The following ACOX2 variants were observed in gnomAD, a reference collection of about 807,000 sequenced individuals.
The protein encoded by ACOX2 is peroxisomal acyl-coenzyme A oxidase 2.
A neutral mutation model predicts 77.5 loss-of-function variants in ACOX2; 59 were observed. The ratio of observed to expected loss-of-function variants is 0.76; its 90% CI spans 0.62 to 0.95. The LOEUF (loss-of-function observed/expected upper bound fraction) is 0.95, where lower values mean the gene tolerates loss of function less well. Ranked by LOEUF, ACOX2 falls within the 40% of genes least tolerant of loss-of-function variation. ACOX2 has a pLI of 0.00. For synonymous variants in ACOX2, 317 were observed against 340.1 expected, an observed-to-expected ratio of 0.93 and a Z score of 0.75; for missense variants, 837 against 880.4, an observed-to-expected ratio of 0.95 and a Z score of 0.62.
chr3:58,530,487 C>T lies in ACOX2; in HGVS notation c.971G>A (p.Arg324His), dbSNP rs770638381. 20 of 1,613,898 alleles carry T rather than the reference C, an allele frequency of 1.2e-5. No individual in the cohort carries two copies. The highest frequency in any genetic ancestry group is 2.7e-5 in the African/African-American group (2 of 74,942). Reference sequence around the variant, plus strand: ...TTGCCTGGGCCGGAGCCGGGATTGGCGGCGGATGACCGAGTAGCGCATGGC... The same window carrying T: ...TTGCCTGGGCCGGAGCCGGGATTGGTGGCGGATGACCGAGTAGCGCATGGC... Reference protein sequence around the residue: ...VIAMRYSVIRRQSRLRPSDPE... With the variant: ...VIAMRYSVIRHQSRLRPSDPE... The change falls in exon 8 of 15, where the codon CGC becomes CAC. Residue 324 changes from arginine (R) to histidine (H), a missense_variant. Arg to His is a conservative substitution (Grantham distance 29). Transcript: ENST00000302819.
At position 58,530,638 on chromosome 3, in the gene ACOX2, C is replaced by T. The variant is rs769214024; in HGVS notation, c.820G>A (p.Val274Ile). 4 of 1,613,642 alleles carry T rather than the reference C, an allele frequency of 2.5e-6. No individual in the cohort carries two copies. The highest frequency in any genetic ancestry group is 3.3e-5 in the Admixed American group (2 of 59,982). ...RENMLSRFAQ[V>I]LPDGTYVKLG... ...TTGACGTAGGTGCCATCTGGCAAGA[C>T]CTGTGTGGAACAAGGACGGGCACAA... The change falls in exon 8 of 15, where the codon GTC becomes ATC. Residue 274 changes from valine (V) to isoleucine (I), a missense_variant and splice_region_variant. Coordinates refer to ENST00000302819, the MANE Select transcript of ACOX2 (RefSeq NM_003500.4).
Position 58,535,552 on chromosome 3 carries a change from AG to A in ACOX2, c.-91-356del, listed in dbSNP as rs975741062. On this transcript the variant is annotated intron_variant, in intron 1 of 14. Coordinates refer to ENST00000302819, the MANE Select transcript of ACOX2 (RefSeq NM_003500.4). The surrounding 1 kb of genome is among the most constrained non-coding windows in gnomAD (Gnocchi z 4.8). The stretch of plus-strand genomic sequence containing the variant: ...GAGTGGCCCCTAGCCACACAGCTGG[AG>A]ATGGCCAGGAGTTGGATGGGGTCTG... Among the ~76,000 whole-genome samples the A allele has an allele frequency of 2.6e-5, 4 of 152,178 alleles. No individual in the cohort carries two copies. The highest frequency in any genetic ancestry group is 2.6e-4 in the Admixed American group (4 of 15,272).
In ACOX2 at chr3:58,530,390, G is replaced by T. The variant is rs2063428455; in HGVS notation, c.992+76C>A. On this transcript the variant is annotated intron_variant, in intron 8 of 14. Transcript: ENST00000302819. Reference sequence around the variant, plus strand: ...TCCCAGCACTCTGGCTCTGGCAGAAGGGTGGTGTCAGGGGGAGGCACTGTG... The same window carrying T: ...TCCCAGCACTCTGGCTCTGGCAGAATGGTGGTGTCAGGGGGAGGCACTGTG... 3.2e-6 allele frequency: 5 copies of T among 1,553,414 alleles called. No individual in the cohort carries two copies. The African/African-American group carries it at 5.4e-5, about 17-fold the overall frequency.
At chr3:58,527,961 C>G (rs1186620489) in intron 9 of ACOX2, among the ~76,000 whole-genome samples, 1 of 151,942 alleles carries the variant, frequency 6.6e-6, no homozygotes, top group African/African-American at 2.4e-5. Context: ...CCTGCCCTGG[C>G]CTCCCAAAGT....
chr3:58,511,969 CCTCTT>C (rs1253758762), intron 13 of ACOX2, among the ~76,000 whole-genome samples: 2 of 151,984 alleles, frequency 1.3e-5, no homozygotes, highest in Admixed American at 1.3e-4. Flanking sequence ...AGTACTTGGA[CCTCTT>C]CTCTTCATGC....
chr3:58,508,249 C>T (rs953304489), intron 14 of ACOX2, among the ~76,000 whole-genome samples: 7 of 152,132 alleles, frequency 4.6e-5, no homozygotes, highest in African/African-American at 9.7e-5. Context: ...CCCGTCTTCT[C>T]GCTGTTAATG....
intron 12 of ACOX2, 71 bp from the exon 13 acceptor site, chr3:58,517,494 C>A: frequency 6.8e-7 from 1 of 1,464,862 alleles, no homozygotes; most frequent in East Asian, 2.3e-5. Context: ...GGAAGCATGG[C>A]AAGATGGCTG....
chr3:58,534,888 T>C lies in ACOX2; in HGVS notation c.160+59A>G. The C allele has an allele frequency of 1.9e-6, 3 of 1,607,516 alleles. No individual in the cohort carries two copies. In the South Asian group the frequency reaches 3.3e-5, roughly 18 times the overall value. On this transcript the variant is annotated intron_variant, in intron 2 of 14. Transcript: ENST00000302819. The surrounding 1 kb of genome is among the most constrained non-coding windows in gnomAD (Gnocchi z 4.8). ...AAGCAGAACTGCTAATGAAGGACTC[T>C]TCTTACAAGAGAAGCATGGGGCATA...
At chr3:58,527,940 CA>C (rs557661029) in intron 9 of ACOX2, among the ~76,000 whole-genome samples, 69 of 151,322 alleles carry the variant, frequency 4.6e-4, no homozygotes, top group Non-Finnish European at 8.5e-4. Flanking sequence ...CTCCTGGGCT[CA>C]AGCAATCCTC....
Position 58,528,979 on chromosome 3 carries a change from AT to A in ACOX2, c.993-24del. The A allele has an allele frequency of 6.3e-7, 1 of 1,594,918 alleles. No homozygotes were observed. The highest frequency in any genetic ancestry group is 8.5e-7 in the Non-Finnish European group (1 of 1,169,980). ...TCACTGAAGGGAAAAGAACCAGAAGATTTAGATCACTACCTGTTGTGTCCAC... is the reference window on the plus strand; with the variant it reads ...TCACTGAAGGGAAAAGAACCAGAAGATTAGATCACTACCTGTTGTGTCCAC... On this transcript the variant is annotated intron_variant, in intron 8 of 14. Transcript: ENST00000302819. The surrounding 1 kb of genome is among the most constrained non-coding windows in gnomAD (Gnocchi z 5.6).
At chr3:58,517,522 G>T in intron 12 of ACOX2, 99 bp from the exon 13 acceptor site, 1 of 1,156,328 alleles carries the variant, frequency 8.6e-7, no homozygotes, top group Non-Finnish European at 1.2e-6. Flanking sequence ...CTTGAGGCAT[G>T]ATGTGCTTCC....
Position 58,534,789 on chromosome 3 carries a change from G to T in ACOX2, c.160+158C>A. On this transcript the variant is annotated intron_variant, in intron 2 of 14. Coordinates refer to ENST00000302819, the MANE Select transcript of ACOX2 (RefSeq NM_003500.4). This position sits in a 1 kb window ranked among gnomAD's most constrained non-coding sequence, Gnocchi z 4.8. Reference sequence around the variant, plus strand: ...AGGTGGGCTCAGGCAATATTGACATGTGAAGATTGTCTTTACAGTTCGAAG... The same window carrying T: ...AGGTGGGCTCAGGCAATATTGACATTTGAAGATTGTCTTTACAGTTCGAAG... The T allele has an allele frequency of 1.4e-6, 2 of 1,385,210 alleles. No individual in the cohort carries two copies. The highest frequency in any genetic ancestry group is 2.0e-6 in the Non-Finnish European group (2 of 993,606). The allele number at this position is 1,385,210 out of a possible 1,614,324, so 85.8% of individuals were successfully genotyped here. A position where few individuals can be genotyped will look rare whatever the true frequency, so the allele number is the denominator to read the frequency against.
chr3:58,534,477 T>C lies in ACOX2; in HGVS notation c.206A>G (p.Tyr69Cys). The change falls in exon 3 of 15, where the codon TAT (tyrosine) becomes TGT (cysteine). Residue 69 changes from tyrosine to cysteine, a missense_variant. Tyr to Cys is a radical substitution (Grantham distance 194, BLOSUM62 -2). Coordinates refer to ENST00000302819, the MANE Select transcript of ACOX2 (RefSeq NM_003500.4). The surrounding 1 kb of genome is among the most constrained non-coding windows in gnomAD (Gnocchi z 4.8). The stretch of plus-strand genomic sequence containing the variant: ...ATAACGCTCATTCTGGGTCATGAAA[T>C]AATTGTCCTTACAGCTAAACTCCGG... Reference protein sequence around the residue: ...SYPEFSCKDNYFMTQNERYKA... With the variant: ...SYPEFSCKDNCFMTQNERYKA... 6.2e-7 allele frequency: 1 copy of C among 1,614,140 alleles called. No homozygotes were observed. Among genetic ancestry groups the C allele is most frequent in the Non-Finnish European group, 8.5e-7 (1 of 1,180,024 alleles).
At position 58,534,595 on chromosome 3, in the gene ACOX2, C is replaced by T. The variant is rs759266766; in HGVS notation, c.161-73G>A. The T allele has an allele frequency of 5.6e-6, 9 of 1,611,748 alleles. No individual in the cohort carries two copies. Among genetic ancestry groups the T allele is most frequent in the Admixed American group, 3.3e-5 (2 of 59,768 alleles). On this transcript the variant is annotated intron_variant, in intron 2 of 14. Transcript: ENST00000302819. The surrounding 1 kb of genome is among the most constrained non-coding windows in gnomAD (Gnocchi z 4.8). ...TGGCACCTTGAAATCTTCTCACCCA[C>T]TTGCTTCATGGATCTGGAAAGGAAG...
chr3:58,534,307 C>T lies in ACOX2; in HGVS notation c.323+53G>A, dbSNP rs1392951002. On this transcript the variant is annotated intron_variant, in intron 3 of 14. Coordinates refer to ENST00000302819, the MANE Select transcript of ACOX2 (RefSeq NM_003500.4). The surrounding 1 kb of genome is among the most constrained non-coding windows in gnomAD (Gnocchi z 4.8). ...ATGGCTCATGGGGCTAGGGGGTTTC[C>T]AGGTGATCCCAGGTAGATCCCTCTC... 1.2e-6 allele frequency: 2 copies of T among 1,604,168 alleles called. No individual in the cohort carries two copies. The highest frequency in any genetic ancestry group is 1.7e-6 in the Non-Finnish European group (2 of 1,175,144).
At chr3:58,516,983 G>A (rs529314178) in intron 13 of ACOX2, among the ~76,000 whole-genome samples, 2 of 152,276 alleles carry the variant, frequency 1.3e-5, no homozygotes, top group African/African-American at 4.8e-5. Context: ...GAGTTCAACT[G>A]AGGTAGCTCA....
At chr3:58,517,760 G>A (rs1016172632) in intron 12 of ACOX2, among the ~76,000 whole-genome samples, 4 of 152,074 alleles carry the variant, frequency 2.6e-5, no homozygotes, top group African/African-American at 7.2e-5. Context: ...GTGGAGGACA[G>A]CACCACTGTT....
rs963779638 is a variant in ACOX2, at chr3:58,519,010, G to T, written c.1633-1587C>A. ...GTCAAAATGCAGATTCCAGGGCAGGGCCTGAGACTGTGCATTTCTAACAAG... is the reference window on the plus strand; with the variant it reads ...GTCAAAATGCAGATTCCAGGGCAGGTCCTGAGACTGTGCATTTCTAACAAG... On this transcript the variant is annotated intron_variant, in intron 12 of 14. Coordinates refer to ENST00000302819, the MANE Select transcript of ACOX2 (RefSeq NM_003500.4). This position sits in a 1 kb window ranked among gnomAD's most constrained non-coding sequence, Gnocchi z 5.0. 6.6e-6 allele frequency among the ~76,000 whole-genome samples: 1 copy of T among 152,164 alleles called. No homozygotes were observed. The highest frequency in any genetic ancestry group is 1.5e-5 in the Non-Finnish European group (1 of 68,026).
chr3:58,529,864 TGTTCACAGAGG>T (rs2063423706), intron 8 of ACOX2, among the ~76,000 whole-genome samples: 2 of 152,260 alleles, frequency 1.3e-5, no homozygotes, highest in Non-Finnish European at 2.9e-5. Flanking sequence ...CCGAGCTGAG[TGTTCACAGAGG>T]GTTCAGGCAG....
Sources: allele counts gnomAD v4.1 joint callset (sites outside exome capture counted in the v4.1 genomes callset), GRCh38; gene constraint gnomAD v4.1.1; non-coding constraint Gnocchi (gnomAD v3.1); transcripts MANE v1.5; gene names NCBI Gene and HGNC (gene_info 2026-07-23, HGNC 2026-07-21).